The following RASA3 variants were observed in gnomAD, a reference collection of about 807,000 sequenced individuals.
The protein encoded by RASA3 is RAS p21 protein activator 3, also known as ras GTPase-activating protein 3.
Under a neutral mutation model 110.0 loss-of-function variants are expected in RASA3, and 73 were observed. The ratio of observed to expected loss-of-function variants is 0.66; its 90% confidence interval spans 0.55 to 0.81. RASA3 has a LOEUF of 0.81. Ranked by LOEUF, RASA3 falls within the 30% of genes least tolerant of loss-of-function variation. The probability of loss-of-function intolerance (pLI) is 0.00; values close to 1 mark genes in which losing one functional copy is unlikely to be tolerated. For synonymous variants in RASA3, 500 were observed against 451.4 expected, an observed-to-expected ratio of 1.11 and a Z score of -1.37; for missense variants, 976 against 1,113.2, an observed-to-expected ratio of 0.88 and a Z score of 1.75.
chr13:114,078,718 G>A lies in RASA3; in HGVS notation c.56-4881C>T, dbSNP rs116616763. On this transcript the variant is annotated intron_variant, in intron 1 of 23. Transcript: ENST00000334062. Reference sequence around the variant, plus strand: ...AAAAACAAAGGCCCTGATCCAAAGCGTCATGACTCCCACGCCCACGGCAGC... The same window carrying A: ...AAAAACAAAGGCCCTGATCCAAAGCATCATGACTCCCACGCCCACGGCAGC... Among the ~76,000 whole-genome samples the A allele has an allele frequency of 6.6e-5, 10 of 152,348 alleles. 1 individual carries two copies. Among genetic ancestry groups the A allele is most frequent in the Admixed American group, 3.3e-4 (5 of 15,304 alleles).
rs2139698303 is a variant in RASA3, at chr13:114,082,902, A to T, written c.56-9065T>A. ...AAAATAATGAGATACACAGTCCTCT[A>T]CTTCAAACTCACAGAGCTAATTGAT... On this transcript the variant is annotated intron_variant, in intron 1 of 23. Transcript: ENST00000334062. Among the ~76,000 whole-genome samples the T allele has an allele frequency of 2.6e-5, 4 of 152,344 alleles. No homozygotes were observed. The South Asian group carries it at 8.3e-4, about 32-fold the overall frequency.
rs1328138937 is a variant in RASA3, at chr13:114,132,559, G to A, written c.-70C>T. ...AGCCCGGGCAGCTCAGGCCGAGCAG[G>A]AGGAGCGGCGGCGCCGGAGCCCCGA... On this transcript the variant is annotated 5_prime_UTR_variant, in exon 1 of 24. Coordinates refer to ENST00000334062, the MANE Select transcript of RASA3 (RefSeq NM_007368.4). The A allele has an allele frequency of 2.4e-6, 3 of 1,232,998 alleles. No individual in the cohort carries two copies. The highest frequency in any genetic ancestry group is 1.0e-6 in the Non-Finnish European group (1 of 985,404). 76.4% of individuals were successfully genotyped at this position (1,232,998 alleles called of 1,614,324 possible). A position where few individuals can be genotyped will look rare whatever the true frequency, so the allele number is the denominator to read the frequency against.
chr13:114,044,696 C>T (rs1359473084), intron 3 of RASA3, among the ~76,000 whole-genome samples: 1 of 149,260 alleles, frequency 6.7e-6, no homozygotes, highest in Non-Finnish European at 1.5e-5. Flanking sequence ...GGAATAAAGC[C>T]ACATGAAAGC....
At chr13:114,059,917 A>G (rs8001669) in intron 2 of RASA3, among the ~76,000 whole-genome samples, 88,564 of 152,156 alleles carry the variant, frequency 0.58, 27,767 homozygotes, top group African/African-American at 0.81. Context: ...CAAAGAGCAC[A>G]CAGAACCACG....
At chr13:113,981,011 C>A (rs1395720006) in intron 23 of RASA3, among the ~76,000 whole-genome samples, 2 of 152,184 alleles carry the variant, frequency 1.3e-5, no homozygotes, top group Non-Finnish European at 2.9e-5. Flanking sequence ...CGTGTGGGGG[C>A]TTCTGCCATG....
At chr13:114,106,209 T>G (rs2080133834) in intron 1 of RASA3, among the ~76,000 whole-genome samples, 1 of 152,196 alleles carries the variant, frequency 6.6e-6, no homozygotes, top group Admixed American at 6.5e-5. Flanking sequence ...TGTTTACAGA[T>G]GTGTGTTTAA....
At chr13:114,123,305 G>A (rs1566589995) in intron 1 of RASA3, among the ~76,000 whole-genome samples, 2 of 152,174 alleles carry the variant, frequency 1.3e-5, no homozygotes, top group East Asian at 1.9e-4. Context: ...CCAGCACCTC[G>A]AGGGTTTGGA....
At position 114,027,795 on chromosome 13, in the gene RASA3, G is replaced by C. The variant is rs2054054764; in HGVS notation, c.530+52C>G. The C allele has an allele frequency of 1.9e-6, 3 of 1,556,854 alleles. No homozygotes were observed. The African/African-American group carries it at 4.1e-5, about 21-fold the overall frequency. The stretch of plus-strand genomic sequence containing the variant: ...CAGTGGTCTCGTGATTTCAGAGCTG[G>C]ACCCTAGCCCCCCAGGACCAGAACA... On this transcript the variant is annotated intron_variant, in intron 6 of 23. Coordinates refer to ENST00000334062, the MANE Select transcript of RASA3 (RefSeq NM_007368.4).
rs2053788304 is a variant in RASA3 at position 114,016,235 on chromosome 13, C to A, written c.1243G>T (p.Val415Leu). The change falls in exon 13 of 24, where the codon GTG (valine) becomes TTG (leucine). Residue 415 changes from valine to leucine, a missense_variant. By Grantham distance (32) the Val-to-Leu change is conservative. Transcript: ENST00000334062. ...AGGTTTTCTCCGTCTTTCAACTTCA[C>A]AGGGTCGATTTCACAGGGTTTGTGG... ...QSHKPCEIDP[V>L]KLKDGENLEN... 6.2e-7 allele frequency: 1 copy of A among 1,603,000 alleles called. No individual in the cohort carries two copies. Among genetic ancestry groups the A allele is most frequent in the South Asian group, 1.1e-5 (1 of 90,864 alleles).
intron 8 of RASA3, among the ~76,000 whole-genome samples, chr13:114,021,856 G>A (rs940282879): frequency 1.3e-5 from 2 of 151,450 alleles, no homozygotes; most frequent in African/African-American, 4.9e-5. Flanking sequence ...CCTGGGCGTC[G>A]CTGCGTGCAC....
intron 17 of RASA3, among the ~76,000 whole-genome samples, chr13:114,009,086 C>T (rs1046494703): frequency 1.3e-5 from 2 of 152,230 alleles, no homozygotes; most frequent in Non-Finnish European, 2.9e-5. Flanking sequence ...AGTCCGGCCA[C>T]CACACACACT....
At chr13:114,072,580 G>A (rs2079590138) in intron 2 of RASA3, among the ~76,000 whole-genome samples, 1 of 152,122 alleles carries the variant, frequency 6.6e-6, no homozygotes, top group Non-Finnish European at 1.5e-5. Context: ...GAGCTTCCCG[G>A]TTCATCTCTA....
intron 4 of RASA3, among the ~76,000 whole-genome samples, chr13:114,033,305 C>A (rs546150244): frequency 3.5e-4 from 34 of 96,068 alleles, no homozygotes; most frequent in Non-Finnish European, 5.6e-4. Context: ...CCCCACGGCA[C>A]CCCCACACTT....
intron 8 of RASA3, among the ~76,000 whole-genome samples, chr13:114,023,664 C>T (rs1003093572): frequency 1.3e-5 from 2 of 152,232 alleles, no homozygotes; most frequent in Admixed American, 6.5e-5. Context: ...CCTGAGATCG[C>T]GTCCTGACCT....
chr13:114,028,111 A>C (rs568646083), intron 5 of RASA3, among the ~76,000 whole-genome samples, 184 bp from the exon 6 acceptor site: 8 of 151,208 alleles, frequency 5.3e-5, no homozygotes, highest in African/African-American at 2.0e-4. Flanking sequence ...CTGGCCATTC[A>C]CAAAAGCCCA....
chr13:114,100,343 T>C (rs2080040460), intron 1 of RASA3, among the ~76,000 whole-genome samples: 1 of 152,102 alleles, frequency 6.6e-6, no homozygotes, highest in African/African-American at 2.4e-5. Flanking sequence ...CACAGCACCC[T>C]CCAAGCATTC....
In RASA3 at chr13:114,122,556, G is replaced by A. The variant is rs183763458; in HGVS notation, c.55+9879C>T. ...GCTCCACCACCTCCTTCCTGCCCCC[G>A]AGCCGTGCCTTCCCCCGCTGGGTGG... On this transcript the variant is annotated intron_variant, in intron 1 of 23. Coordinates refer to ENST00000334062, the MANE Select transcript of RASA3 (RefSeq NM_007368.4). Among the ~76,000 whole-genome samples the A allele has an allele frequency of 1.1e-4, 17 of 152,342 alleles. No homozygotes were observed. The East Asian group carries it at 2.3e-3, about 21-fold the overall frequency.
chr13:114,097,594 A>G (rs1003165432), intron 1 of RASA3, among the ~76,000 whole-genome samples: 2 of 152,232 alleles, frequency 1.3e-5, no homozygotes, highest in Non-Finnish European at 2.9e-5. Context: ...TCCTTCTCCC[A>G]GAAGAGAGCA....
intron 1 of RASA3, among the ~76,000 whole-genome samples, chr13:114,079,487 C>G (rs2079745867): frequency 6.6e-6 from 1 of 152,226 alleles, no homozygotes; most frequent in South Asian, 2.1e-4. Flanking sequence ...TTTTGCTAGG[C>G]ACACAGCGTC....
Sources: gnomAD v4.1 joint callset for allele counts (sites outside exome capture counted in the v4.1 genomes callset) on GRCh38, gnomAD v4.1.1 for gene constraint, MANE v1.5 for transcripts, NCBI Gene and HGNC (gene_info 2026-07-23, HGNC 2026-07-21) for gene names.